DGKB: variants seen among roughly 807,000 people sequenced by gnomAD.
DGKB encodes the protein 90 kDa diacylglycerol kinase.
Under a neutral mutation model 114.3 loss-of-function variants are expected in DGKB, and 67 were observed. The ratio of observed to expected loss-of-function variants is 0.59; its 90% CI spans 0.48 to 0.72. DGKB has a LOEUF of 0.72. DGKB is among the 30% of genes least tolerant of loss of function. The probability of loss-of-function intolerance (pLI) is 0.00; values close to 1 mark genes in which losing one functional copy is unlikely to be tolerated. For synonymous variants in DGKB, 398 were observed against 323.1 expected, an observed-to-expected ratio of 1.23 and a Z score of -2.49; for missense variants, 907 against 975.2, an observed-to-expected ratio of 0.93 and a Z score of 0.93.
intron 23 of DGKB, among the ~76,000 whole-genome samples, chr7:14,307,104 T>G (rs931150337): frequency 2.0e-5 from 3 of 152,196 alleles, no homozygotes; most frequent in African/African-American, 7.2e-5. Context: ...TATTTCTATT[T>G]GAATCTACCA....
chr7:14,534,743 A>C (rs1038558743), intron 20 of DGKB, among the ~76,000 whole-genome samples: 1 of 152,212 alleles, frequency 6.6e-6, no homozygotes, highest in East Asian at 1.9e-4. Context: ...AAAGTAGAAT[A>C]CATTTTCTTT....
At chr7:14,642,912 G>C (rs1207957590) in intron 13 of DGKB, among the ~76,000 whole-genome samples, 2 of 152,054 alleles carry the variant, frequency 1.3e-5, no homozygotes, top group Non-Finnish European at 2.9e-5. Flanking sequence ...TTAAAATTTA[G>C]CTTTTAATAC....
At chr7:14,451,034 C>T (rs1215653102) in intron 21 of DGKB, among the ~76,000 whole-genome samples, 1 of 151,958 alleles carries the variant, frequency 6.6e-6, no homozygotes, top group East Asian at 1.9e-4. Flanking sequence ...GCCCAGAGAC[C>T]AGGTGGCTTC....
intron 23 of DGKB, among the ~76,000 whole-genome samples, chr7:14,253,734 C>G (rs1020843388): frequency 1.3e-5 from 2 of 152,144 alleles, no homozygotes; most frequent in Non-Finnish European, 2.9e-5. Flanking sequence ...TTATTATCCT[C>G]TCAGAAATAT....
chr7:14,721,413 G>C (rs1829145042), intron 5 of DGKB, among the ~76,000 whole-genome samples: 1 of 152,018 alleles, frequency 6.6e-6, no homozygotes, highest in Non-Finnish European at 1.5e-5. Context: ...ATATGCTACT[G>C]TACTAAAATT....
intron 17 of DGKB, among the ~76,000 whole-genome samples, chr7:14,595,189 G>C (rs148203228): frequency 7.9e-5 from 12 of 152,158 alleles, no homozygotes; most frequent in African/African-American, 2.6e-4. Flanking sequence ...TGAGTGAAGG[G>C]TTGTTATGTA....
chr7:14,171,843 A>G (rs1028968038), intron 25 of DGKB, among the ~76,000 whole-genome samples: 10 of 152,218 alleles, frequency 6.6e-5, no homozygotes, highest in Non-Finnish European at 1.0e-4. Context: ...GGTATTGGCA[A>G]TCTAATTATG....
At chr7:14,380,581 A>G (rs1177504563) in intron 21 of DGKB, among the ~76,000 whole-genome samples, 1 of 152,200 alleles carries the variant, frequency 6.6e-6, no homozygotes, top group Non-Finnish European at 1.5e-5. Flanking sequence ...ATATATAATT[A>G]TGTGGTTAAT....
intron 21 of DGKB, among the ~76,000 whole-genome samples, chr7:14,428,149 C>G (rs1182966666): frequency 6.6e-6 from 1 of 151,776 alleles, no homozygotes; most frequent in Non-Finnish European, 1.5e-5. Context: ...GTGTTCTATA[C>G]TTTGTTTCAT....
At chr7:14,767,609 T>G (rs556780053) in intron 2 of DGKB, among the ~76,000 whole-genome samples, 1 of 152,050 alleles carries the variant, frequency 6.6e-6, no homozygotes, top group East Asian at 1.9e-4. Flanking sequence ...TGCTTTTAAC[T>G]TCCTCTCTTT....
At chr7:14,377,687 A>G (rs1269171100) in intron 21 of DGKB, among the ~76,000 whole-genome samples, 1 of 152,184 alleles carries the variant, frequency 6.6e-6, no homozygotes, top group African/African-American at 2.4e-5. Flanking sequence ...TTGGCCCCCA[A>G]GATGCCTGTG....
chr7:14,324,703 TTTTAA>T (rs1389410897), intron 23 of DGKB, among the ~76,000 whole-genome samples: 1 of 152,112 alleles, frequency 6.6e-6, no homozygotes, highest in Non-Finnish European at 1.5e-5. Flanking sequence ...ATGTTTTCCT[TTTTAA>T]TTTAAAAATA....
rs550578440 is a variant in DGKB at position 14,362,297 on chromosome 7, A to G, written c.1836-16906T>C. Reference sequence around the variant, plus strand: ...AACAACATATGCGAGCAGGACCTCTATTTCTTATTTAGCCATTTCTCTAAA... The same window carrying G: ...AACAACATATGCGAGCAGGACCTCTGTTTCTTATTTAGCCATTTCTCTAAA... On this transcript the variant is annotated intron_variant, in intron 21 of 25. Transcript: ENST00000402815. 3.3e-5 allele frequency among the ~76,000 whole-genome samples: 5 copies of G among 152,154 alleles called. No homozygotes were observed. In the East Asian group the frequency reaches 7.7e-4, roughly 23 times the overall value.
chr7:14,278,415 G>A (rs183670377), intron 23 of DGKB, among the ~76,000 whole-genome samples: 1 of 152,248 alleles, frequency 6.6e-6, no homozygotes, highest in East Asian at 1.9e-4. Context: ...TTTAATACAT[G>A]GTATTGGGAA....
intron 14 of DGKB, among the ~76,000 whole-genome samples, chr7:14,624,863 G>A (rs773632841): frequency 3.3e-5 from 5 of 152,042 alleles, no homozygotes; most frequent in African/African-American, 4.8e-5. Context: ...GTCGGGCATG[G>A]TGGTGGACAC....
chr7:14,890,153 C>T (rs750881349), intron 1 of DGKB, among the ~76,000 whole-genome samples: 1 of 151,490 alleles, frequency 6.6e-6, no homozygotes, highest in Non-Finnish European at 1.5e-5. Context: ...AATGAGGGCA[C>T]ATGCTATATT....
At chr7:14,902,881 G>A (rs1361586227), upstream of DGKB, 2 of 152,120 alleles carry the variant, frequency 1.3e-5, no homozygotes, top group East Asian at 1.9e-4. Context: ...GCTGCCTGCA[G>A]TTCACCCGTC....
chr7:14,410,724 T>G (rs1583725254), intron 21 of DGKB, among the ~76,000 whole-genome samples: 1 of 152,094 alleles, frequency 6.6e-6, no homozygotes, highest in African/African-American at 2.4e-5. Flanking sequence ...ACATCTGAGC[T>G]ACATAAATAT....
At chr7:14,445,995 A>G (rs1258051436) in intron 21 of DGKB, among the ~76,000 whole-genome samples, 1 of 152,102 alleles carries the variant, frequency 6.6e-6, no homozygotes, top group Non-Finnish European at 1.5e-5. Flanking sequence ...AAATTTCACT[A>G]ACTATAATTT....
Sources: gnomAD v4.1 joint callset for allele counts (sites outside exome capture counted in the v4.1 genomes callset) on GRCh38, gnomAD v4.1.1 for gene constraint, MANE v1.5 for transcripts, NCBI Gene and HGNC (gene_info 2026-07-23, HGNC 2026-07-21) for gene names.